Variants in RBMS3 observed in about 807,000 individuals in gnomAD.
RBMS3 encodes RNA binding motif single stranded interacting protein 3.
Under a neutral mutation model 66.8 loss-of-function variants are expected in RBMS3, and 27 were observed. The observed-to-expected ratio is 0.40, with a 90% CI of 0.30 to 0.56. The LOEUF (loss-of-function observed/expected upper bound fraction) is 0.56, where lower values mean the gene tolerates loss of function less well. Among genes scored for constraint, RBMS3 ranks in the 20% least tolerant of loss-of-function variants. The pLI is 0.40. For missense variants in RBMS3, 513 were observed against 549.5 expected (o/e 0.93, Z 0.66); for synonymous variants, 188 against 183.0 (o/e 1.03, Z -0.22).
At chr3:29,320,054 A>G (rs1309375661) in intron 1 of RBMS3, among the ~76,000 whole-genome samples, 1 of 152,020 alleles carries the variant, frequency 6.6e-6, no homozygotes, top group Non-Finnish European at 1.5e-5. Context: ...AGTCTCTGCC[A>G]TGTAAAAGGA....
intron 4 of RBMS3, among the ~76,000 whole-genome samples, chr3:29,701,576 G>T (rs116417230): frequency 0.024 from 3,583 of 152,226 alleles, 134 homozygotes; most frequent in African/African-American, 0.08. Context: ...GAGGTGTGGA[G>T]GGAGAGGCGC....
At chr3:29,954,254 C>G (rs1695877679) in intron 12 of RBMS3, among the ~76,000 whole-genome samples, 1 of 151,756 alleles carries the variant, frequency 6.6e-6, no homozygotes, top group Non-Finnish European at 1.5e-5. Context: ...ATTGCTAAAT[C>G]CTATCATCTA....
At chr3:29,775,939 G>A (rs2056412935) in intron 6 of RBMS3, among the ~76,000 whole-genome samples, 1 of 151,802 alleles carries the variant, frequency 6.6e-6, no homozygotes, top group Non-Finnish European at 1.5e-5. Context: ...TGATCTCTAA[G>A]GAAAGTAATT....
intron 12 of RBMS3, among the ~76,000 whole-genome samples, chr3:29,968,243 T>C (rs1209085362): frequency 3.3e-5 from 5 of 152,158 alleles, no homozygotes; most frequent in African/African-American, 1.2e-4. Context: ...CGAGACAGGC[T>C]TGAAAACTTG....
At chr3:29,697,304 A>G (rs1468475904) in intron 4 of RBMS3, among the ~76,000 whole-genome samples, 6 of 152,146 alleles carry the variant, frequency 3.9e-5, no homozygotes, top group African/African-American at 1.4e-4. Context: ...CTTCCTCCAA[A>G]CCATTAATCT....
At position 30,005,805 on chromosome 3, in the gene RBMS3, A is replaced by T. The variant is rs1699790045; in HGVS notation, c.*1943A>T. The T allele has an allele frequency of 6.6e-6, 1 of 151,896 alleles. No individual in the cohort carries two copies. Among genetic ancestry groups the T allele is most frequent in the South Asian group, 2.1e-4 (1 of 4,830 alleles). 9.4% of individuals were successfully genotyped at this position (151,896 alleles called of 1,614,324 possible). ...ATTGAGAATTCTATTGGTGGAATTT[A>T]GGGAAGTCCTTAAAATGCTAGTTGA... On this transcript the variant is annotated 3_prime_UTR_variant, in exon 15 of 15. Coordinates refer to ENST00000383767, the MANE Select transcript of RBMS3 (RefSeq NM_001003793.3).
At chr3:29,836,325 G>C (rs2058507008) in intron 6 of RBMS3, among the ~76,000 whole-genome samples, 1 of 151,952 alleles carries the variant, frequency 6.6e-6, no homozygotes, top group African/African-American at 2.4e-5. Flanking sequence ...AAAATTTCAG[G>C]TCAATATCTC....
intron 4 of RBMS3, among the ~76,000 whole-genome samples, chr3:29,626,484 G>A (rs1325079952): frequency 6.6e-6 from 1 of 152,130 alleles, no homozygotes; most frequent in Non-Finnish European, 1.5e-5. Context: ...TGCAGTGTGA[G>A]TGGCAAAGTG....
intron 3 of RBMS3, among the ~76,000 whole-genome samples, chr3:29,562,579 AG>A (rs942903465): frequency 1.3e-5 from 2 of 152,162 alleles, no homozygotes; most frequent in Non-Finnish European, 2.9e-5. Flanking sequence ...ACCTGAACCA[AG>A]GAATAACTTA....
chr3:29,664,917 G>A (rs1316373373), intron 4 of RBMS3, among the ~76,000 whole-genome samples: 6 of 151,778 alleles, frequency 4.0e-5, no homozygotes, highest in Admixed American at 2.0e-4. Flanking sequence ...AATCCATTGC[G>A]GAAGAAAAGA....
intron 1 of RBMS3, among the ~76,000 whole-genome samples, chr3:29,350,905 G>C (rs900085918): frequency 4.0e-5 from 6 of 151,678 alleles, no homozygotes; most frequent in African/African-American, 1.5e-4. Flanking sequence ...TAATACTATG[G>C]AAAGCTATAA....
At chr3:29,886,930 C>T (rs1458384034) in intron 8 of RBMS3, among the ~76,000 whole-genome samples, 1 of 151,748 alleles carries the variant, frequency 6.6e-6, no homozygotes, top group Admixed American at 6.6e-5. Context: ...AAGTGGCCAT[C>T]AAAGAATCCT....
At chr3:29,386,742 G>A (rs1311972864) in intron 1 of RBMS3, among the ~76,000 whole-genome samples, 3 of 152,108 alleles carry the variant, frequency 2.0e-5, no homozygotes, top group Admixed American at 2.0e-4. Flanking sequence ...CCATTTTAAA[G>A]CAAACTCAGT....
Position 29,973,708 on chromosome 3 carries a change from T to A in RBMS3, c.1099-14435T>A, listed in dbSNP as rs114637829. Among the ~76,000 whole-genome samples, 248 of 152,096 alleles carry A rather than the reference T, an allele frequency of 1.6e-3. 1 individual carries two copies. The highest frequency in any genetic ancestry group is 5.7e-3 in the African/African-American group (237 of 41,548). On this transcript the variant is annotated intron_variant, in intron 12 of 14. Coordinates refer to ENST00000383767, the MANE Select transcript of RBMS3 (RefSeq NM_001003793.3). ...CTTCTGGTGACCTTTCTCTATTCTA[T>A]CCTAGAATTTATCTTTAGCAATTAC...
intron 1 of RBMS3, among the ~76,000 whole-genome samples, chr3:29,312,756 C>T (rs1323667669): frequency 6.6e-6 from 1 of 151,124 alleles, no homozygotes; most frequent in Non-Finnish European, 1.5e-5. Flanking sequence ...GATGAAGTCC[C>T]GTAAATTAAA....
intron 1 of RBMS3, among the ~76,000 whole-genome samples, chr3:29,395,451 A>G (rs574261814): frequency 6.6e-6 from 1 of 152,278 alleles, no homozygotes; most frequent in African/African-American, 2.4e-5. Context: ...TTCCTGTTCT[A>G]CCTAATGCAC....
Position 29,937,662 on chromosome 3 carries a change from T to C in RBMS3, c.1050+1466T>C, listed in dbSNP as rs139294075. ...GTCTGAATGCTTGGGCTGGATCAAA[T>C]GATCTCTTAGGTTTCTCACCTACAC... is the stretch of plus-strand genomic sequence containing the variant. On this transcript the variant is annotated intron_variant, in intron 11 of 14. Coordinates refer to ENST00000383767, the MANE Select transcript of RBMS3 (RefSeq NM_001003793.3). Among the ~76,000 whole-genome samples, 634 of 152,098 alleles carry C rather than the reference T, an allele frequency of 4.2e-3. 7 individuals are homozygous for C. The highest frequency in any genetic ancestry group is 0.015 in the African/African-American group (609 of 41,550).
intron 11 of RBMS3, among the ~76,000 whole-genome samples, chr3:29,940,649 A>G (rs2061370608): frequency 6.6e-6 from 1 of 151,766 alleles, no homozygotes; most frequent in African/African-American, 2.4e-5. Context: ...CATGACCTCA[A>G]ATTTTGAAAT....
intron 1 of RBMS3, among the ~76,000 whole-genome samples, chr3:29,376,000 A>G (rs1250530670): frequency 1.3e-5 from 2 of 152,096 alleles, no homozygotes; most frequent in African/African-American, 4.8e-5. Flanking sequence ...CATATACAAT[A>G]TGGAATACTA....
Sources: gnomAD v4.1 joint callset for allele counts (sites outside exome capture counted in the v4.1 genomes callset) on GRCh38, gnomAD v4.1.1 for gene constraint, MANE v1.5 for transcripts, NCBI Gene and HGNC (gene_info 2026-07-23, HGNC 2026-07-21) for gene names.